NIN: variants seen among roughly 807,000 people sequenced by gnomAD.
NIN encodes glycogen synthase kinase 3 beta-interacting protein.
In NIN, 137 loss-of-function variants were observed where a neutral mutation model predicts 257.6. The observed-to-expected ratio is 0.53, with a 90% confidence interval of 0.46 to 0.61. NIN has a LOEUF of 0.61. NIN is among the 20% of genes least tolerant of loss of function. The pLI is 0.00. For synonymous variants in NIN, 918 were observed against 919.8 expected, an observed-to-expected ratio of 1.00 and a Z score of 0.04; for missense variants, 2,439 against 2,501.2, an observed-to-expected ratio of 0.98 and a Z score of 0.53.
At chr14:50,819,205 A>T (rs2045079708) in intron 3 of NIN, among the ~76,000 whole-genome samples, 1 of 152,232 alleles carries the variant, frequency 6.6e-6, no homozygotes, top group Non-Finnish European at 1.5e-5. Context: ...AAGTTGATGG[A>T]TACTAATGCA....
At chr14:50,742,537 G>A (rs1274325630) in intron 24 of NIN, among the ~76,000 whole-genome samples, 1 of 151,908 alleles carries the variant, frequency 6.6e-6, no homozygotes, top group Non-Finnish European at 1.5e-5. Flanking sequence ...GGGACTACAA[G>A]CACTTGCCAC....
At chr14:50,789,952 G>A (rs1056363456) in intron 5 of NIN, among the ~76,000 whole-genome samples, 1 of 152,246 alleles carries the variant, frequency 6.6e-6, no homozygotes, top group Non-Finnish European at 1.5e-5. Context: ...TGCATACACA[G>A]GTGTGAAGGC....
At chr14:50,818,423 T>G (rs999846056) in intron 3 of NIN, among the ~76,000 whole-genome samples, 3 of 151,930 alleles carry the variant, frequency 2.0e-5, no homozygotes, top group East Asian at 3.9e-4. Context: ...TAGAGAGGTA[T>G]GCAGAAACAC....
Position 50,770,403 on chromosome 14 carries a change from A to G in NIN, c.1419T>C (p.Leu473=). 6.2e-7 allele frequency: 1 copy of G among 1,614,196 alleles called. No individual in the cohort carries two copies. Among genetic ancestry groups the G allele is most frequent in the Non-Finnish European group, 8.5e-7 (1 of 1,180,030 alleles). The part of the protein sequence containing the change: ...KTEENYIRDR[L]ALSLKENSRL... ...AGATGATTACCTTTAAAGAGAGGGC[A>G]AGGCGGTCCCGGATATAGTTCTCTT... Residue 473 remains leucine (L), a synonymous_variant, in exon 12 of 31, where the codon CTT becomes CTC. Coordinates refer to ENST00000530997, the MANE Select transcript of NIN (RefSeq NM_020921.4).
At chr14:50,821,110 C>T (rs753530106) in intron 3 of NIN, among the ~76,000 whole-genome samples, 19 of 152,130 alleles carry the variant, frequency 1.2e-4, no homozygotes, top group Non-Finnish European at 2.6e-4. Context: ...GACTCAAAGC[C>T]ATATAAACCT....
At chr14:50,769,044 T>G (rs953009499) in intron 12 of NIN, among the ~76,000 whole-genome samples, 1 of 139,384 alleles carries the variant, frequency 7.2e-6, no homozygotes, top group Non-Finnish European at 1.6e-5. Flanking sequence ...ATGAAACAGT[T>G]AGATGGCTAG....
intron 28 of NIN, among the ~76,000 whole-genome samples, chr14:50,734,216 A>C (rs2040863899): frequency 6.6e-6 from 1 of 151,664 alleles, no homozygotes; most frequent in Admixed American, 6.6e-5. Context: ...CAGCCTCCCA[A>C]GTAGCTAGGA....
intron 22 of NIN, among the ~76,000 whole-genome samples, chr14:50,746,436 C>G (rs1457065326): frequency 2.0e-5 from 3 of 152,136 alleles, no homozygotes; most frequent in Non-Finnish European, 2.9e-5. Context: ...AGTACCAGTA[C>G]TATACTAGGC....
chr14:50,762,350 CTGCGA>C (rs1172468681), intron 15 of NIN, among the ~76,000 whole-genome samples: 1 of 152,156 alleles, frequency 6.6e-6, no homozygotes, highest in Non-Finnish European at 1.5e-5. Context: ...AGCATACTTG[CTGCGA>C]TGCCCTGAGG....
chr14:50,727,596 T>A (rs1450759943), intron 29 of NIN: 5 of 1,401,106 alleles, frequency 3.6e-6, no homozygotes, highest in Non-Finnish European at 4.8e-6. Context: ...CCAACATATC[T>A]TAGCTTATGT....
At chr14:50,794,065 A>C (rs1446233911) in intron 4 of NIN, among the ~76,000 whole-genome samples, 2 of 152,214 alleles carry the variant, frequency 1.3e-5, no homozygotes, top group Non-Finnish European at 2.9e-5. Flanking sequence ...ACAATAGTTG[A>C]TTAGATAAGA....
At chr14:50,778,732 T>G (rs2043014050) in intron 6 of NIN, 33 bp downstream of exon 6, 1 of 1,611,592 alleles carries the variant, frequency 6.2e-7, no homozygotes, top group Non-Finnish European at 8.5e-7. Flanking sequence ...GGCCCTTCCC[T>G]TCCAGGCACG....
chr14:50,745,179 T>A (rs1170850684), intron 22 of NIN, among the ~76,000 whole-genome samples: 1 of 152,160 alleles, frequency 6.6e-6, no homozygotes, highest in Non-Finnish European at 1.5e-5. Context: ...ACTAGTCTCA[T>A]TTTGGGCTGG....
At position 50,746,763 on chromosome 14, in the gene NIN, A is replaced by C. The variant is rs186192510; in HGVS notation, c.5064+1229T>G. Among the ~76,000 whole-genome samples, 42 of 152,270 alleles carry C rather than the reference A, an allele frequency of 2.8e-4. 1 individual carries two copies. Among genetic ancestry groups the C allele is most frequent in the Admixed American group, 2.7e-3 (41 of 15,294 alleles). The stretch of plus-strand genomic sequence containing the variant: ...AAAACAGGACAATGTTTAGGATGCA[A>C]ATTGTTTTTTTCCAACAATGCATTT... On this transcript the variant is annotated intron_variant, in intron 22 of 30. Transcript: ENST00000530997.
chr14:50,746,725 C>CCTA (rs771921096), intron 22 of NIN, among the ~76,000 whole-genome samples: 8 of 152,172 alleles, frequency 5.3e-5, no homozygotes, highest in Non-Finnish European at 8.8e-5. Context: ...TTGAAAGACT[C>CCTA]CTGTAAATAC....
chr14:50,825,998 A>T (rs1026890710), intron 2 of NIN, among the ~76,000 whole-genome samples: 6 of 152,228 alleles, frequency 3.9e-5, no homozygotes, highest in African/African-American at 1.4e-4. Context: ...TTATATAAAA[A>T]TGATCATGAA....
In NIN at chr14:50,720,124, AC is replaced by A. The variant is rs1342707352; in HGVS notation, c.*3338del. On this transcript the variant is annotated 3_prime_UTR_variant, in exon 31 of 31. Coordinates refer to ENST00000530997, the MANE Select transcript of NIN (RefSeq NM_020921.4). ...TATGCCACAAAACCAAAACTATTTT[AC>A]AGTGCTGAGAGGTCCAGATAGGTCC... is the stretch of plus-strand genomic sequence containing the variant. 1 of 222,022 alleles carries A rather than the reference AC, an allele frequency of 4.5e-6. No homozygotes were observed. Among genetic ancestry groups the A allele is most frequent in the Non-Finnish European group, 9.0e-6 (1 of 111,098 alleles). 13.8% of individuals were successfully genotyped at this position (222,022 alleles called of 1,614,324 possible).
chr14:50,817,764 G>A (rs1228060870), intron 3 of NIN, among the ~76,000 whole-genome samples: 3 of 152,134 alleles, frequency 2.0e-5, no homozygotes, highest in African/African-American at 7.2e-5. Context: ...TCGCCAGGCT[G>A]GAGTACAATG....
Position 50,720,473 on chromosome 14 carries a change from G to A in NIN, c.*2990C>T, listed in dbSNP as rs1281399656. 3 of 210,360 alleles carry A rather than the reference G, an allele frequency of 1.4e-5. No individual in the cohort carries two copies. Among genetic ancestry groups the A allele is most frequent in the East Asian group, 1.4e-4 (2 of 13,882 alleles). 13.0% of individuals were successfully genotyped at this position (210,360 alleles called of 1,614,324 possible). On this transcript the variant is annotated 3_prime_UTR_variant, in exon 31 of 31. Transcript: ENST00000530997. ...GAAGAAACAGTTTCTCATAATATCT[G>A]CCCTGGGTAATAGTGCATTATTAAA...
Sources: gnomAD v4.1 joint callset for allele counts (sites outside exome capture counted in the v4.1 genomes callset) on GRCh38, gnomAD v4.1.1 for gene constraint, MANE v1.5 for transcripts, NCBI Gene and HGNC (gene_info 2026-07-23, HGNC 2026-07-21) for gene names.